SND1: variants seen among roughly 807,000 people sequenced by gnomAD.
The protein encoded by SND1 is staphylococcal nuclease and tudor domain containing 1, also known as staphylococcal nuclease domain-containing protein 1.
Under a neutral mutation model 121.7 loss-of-function variants are expected in SND1, and 38 were observed. The ratio of observed to expected loss-of-function variants is 0.31; its 90% CI spans 0.24 to 0.41. The LOEUF is 0.41. SND1 is among the 10% of genes least tolerant of loss of function. The pLI is 1.00. For synonymous variants in SND1, 401 were observed against 447.4 expected, an observed-to-expected ratio of 0.90 and a Z score of 1.31; for missense variants, 868 against 1,184.6, an observed-to-expected ratio of 0.73 and a Z score of 3.92.
intron 10 of SND1, among the ~76,000 whole-genome samples, chr7:127,801,688 C>T (rs907951620): frequency 3.3e-5 from 5 of 152,280 alleles, no homozygotes; most frequent in South Asian, 4.1e-4. Context: ...ACCTTATCTT[C>T]GCTCTGCCGC....
intron 14 of SND1, among the ~76,000 whole-genome samples, chr7:127,920,463 A>G (rs1158489480): frequency 6.6e-6 from 1 of 152,224 alleles, no homozygotes; most frequent in African/African-American, 2.4e-5. Flanking sequence ...TATCATTTAC[A>G]AAGCCATGAT....
At chr7:128,016,010 G>C (rs1803216465) in intron 16 of SND1, among the ~76,000 whole-genome samples, 1 of 152,066 alleles carries the variant, frequency 6.6e-6, no homozygotes, top group East Asian at 1.9e-4. Flanking sequence ...GAATGCCATT[G>C]GTACAGCCAT....
chr7:128,086,505 G>A, intron 20 of SND1: 1 of 272,900 alleles, frequency 3.7e-6, no homozygotes, highest in Non-Finnish European at 7.1e-6. Context: ...AGATGCCTGG[G>A]CCAGAACCAC....
At position 127,923,965 on chromosome 7, in the gene SND1, C is replaced by T. The variant is rs533066964; in HGVS notation, c.1528-5223C>T. Among the ~76,000 whole-genome samples the T allele has an allele frequency of 8.0e-5, 12 of 150,566 alleles. No homozygotes were observed. In the South Asian group the frequency reaches 8.7e-4, roughly 11 times the overall value. ...AGCACATTTGCTTCAGTATCCTTAA[C>T]GATTCGTTCTGATCTCCACACTTTT... On this transcript the variant is annotated intron_variant, in intron 14 of 23. Coordinates refer to ENST00000354725, the MANE Select transcript of SND1 (RefSeq NM_014390.4).
At chr7:127,745,169 A>G (rs765309052) in intron 10 of SND1, among the ~76,000 whole-genome samples, 1 of 152,218 alleles carries the variant, frequency 6.6e-6, no homozygotes, top group Non-Finnish European at 1.5e-5. Context: ...CACAAGTGTC[A>G]TAGTGCATAC....
intron 12 of SND1, among the ~76,000 whole-genome samples, chr7:127,862,490 CA>C (rs1799398272): frequency 6.6e-6 from 1 of 152,182 alleles, no homozygotes; most frequent in African/African-American, 2.4e-5. Context: ...AAAAAAAATT[CA>C]GGTAATTCAT....
chr7:127,698,771 T>G (rs1587604096), intron 3 of SND1, 104 bp from the exon 4 acceptor site: 1 of 856,910 alleles, frequency 1.2e-6, no homozygotes, highest in South Asian at 1.4e-5. Context: ...CTGGCAGCAT[T>G]ATTCTCCTTG....
At chr7:128,010,202 T>C (rs1803084907) in intron 16 of SND1, among the ~76,000 whole-genome samples, 1 of 152,244 alleles carries the variant, frequency 6.6e-6, no homozygotes, top group African/African-American at 2.4e-5. Context: ...CAACACTTGT[T>C]GAATGCTTAT....
intron 15 of SND1, among the ~76,000 whole-genome samples, chr7:127,976,849 CAG>C (rs1584709912): frequency 6.6e-6 from 1 of 152,186 alleles, no homozygotes; most frequent in African/African-American, 2.4e-5. Context: ...TGCTGAGAGA[CAG>C]AGAATGAAAG....
intron 11 of SND1, among the ~76,000 whole-genome samples, chr7:127,836,449 C>T (rs919293990): frequency 1.3e-5 from 2 of 152,080 alleles, no homozygotes; most frequent in African/African-American, 4.8e-5. Flanking sequence ...GAGAATACAT[C>T]TGGGCTGGAT....
At chr7:128,045,611 A>G (rs1792932153) in intron 16 of SND1, among the ~76,000 whole-genome samples, 1 of 152,248 alleles carries the variant, frequency 6.6e-6, no homozygotes, top group South Asian at 2.1e-4. Flanking sequence ...TATGTGTTTT[A>G]TGCTGCAGCA....
intron 15 of SND1, among the ~76,000 whole-genome samples, chr7:127,982,840 A>C (rs1046837594): frequency 6.6e-6 from 1 of 152,172 alleles, no homozygotes; most frequent in African/African-American, 2.4e-5. Context: ...AAGAAGTACA[A>C]GTTTTTGGTG....
chr7:127,990,203 G>A (rs760303212), intron 15 of SND1, among the ~76,000 whole-genome samples: 16 of 152,112 alleles, frequency 1.1e-4, no homozygotes, highest in Admixed American at 9.2e-4. Context: ...CTTAAGAAGC[G>A]GATATATTAT....
intron 16 of SND1, chr7:128,028,472 C>A: frequency 1.9e-6 from 1 of 515,866 alleles, no homozygotes; most frequent in East Asian, 3.4e-5. Context: ...GATTCCCCCC[C>A]ACCCCCTTTA....
chr7:127,683,811 A>T (rs1202814253), intron 1 of SND1, among the ~76,000 whole-genome samples: 1 of 152,224 alleles, frequency 6.6e-6, no homozygotes, highest in Admixed American at 6.5e-5. Context: ...CAATGGTATA[A>T]AAGGTGTAGA....
In SND1 at chr7:127,721,279, G is replaced by A; in HGVS notation, c.1039-8G>A. On this transcript the variant is annotated splice_region_variant and splice_polypyrimidine_tract_variant and intron_variant, in intron 9 of 23. Transcript: ENST00000354725. Reference sequence around the variant, plus strand: ...AGCAGGTTTAAGCATGTTCCTTTTTGCTCACAGGTGATGCAGGTTCTGAAT... The same window carrying A: ...AGCAGGTTTAAGCATGTTCCTTTTTACTCACAGGTGATGCAGGTTCTGAAT... 1 of 1,607,570 alleles carries A rather than the reference G, an allele frequency of 6.2e-7. No homozygotes were observed. Among genetic ancestry groups the A allele is most frequent in the Non-Finnish European group, 8.5e-7 (1 of 1,174,952 alleles).
chr7:127,708,430 CCTCCCTT>C (rs1380999854), intron 9 of SND1, among the ~76,000 whole-genome samples: 3 of 150,944 alleles, frequency 2.0e-5, no homozygotes, highest in Non-Finnish European at 4.4e-5. Context: ...TTCCTCCCTT[CCTCCCTT>C]CCTTCCTGGC....
chr7:127,917,768 C>T (rs896785357), intron 14 of SND1, among the ~76,000 whole-genome samples: 5 of 152,122 alleles, frequency 3.3e-5, no homozygotes, highest in African/African-American at 7.2e-5. Flanking sequence ...AGTTTGGTGT[C>T]GTTAGTACCA....
At chr7:127,876,984 T>G (rs964308000) in intron 12 of SND1, among the ~76,000 whole-genome samples, 3 of 152,170 alleles carry the variant, frequency 2.0e-5, no homozygotes, top group African/African-American at 7.2e-5. Context: ...CATTGTTTTA[T>G]TACCGCTTAT....
Sources: gnomAD v4.1 joint callset for allele counts (sites outside exome capture counted in the v4.1 genomes callset) on GRCh38, gnomAD v4.1.1 for gene constraint, MANE v1.5 for transcripts, NCBI Gene and HGNC (gene_info 2026-07-23, HGNC 2026-07-21) for gene names.